The following ANKAR variants were observed in gnomAD, a reference collection of about 807,000 sequenced individuals.
ANKAR encodes the protein ankyrin and armadillo repeat-containing protein.
A neutral mutation model predicts 146.2 loss-of-function variants in ANKAR; 136 were observed. That is an observed-to-expected ratio of 0.93 (90% CI 0.81 to 1.07). The LOEUF is 1.07. Ranked by LOEUF, ANKAR falls within the 50% of genes least tolerant of loss-of-function variation. ANKAR has a pLI of 0.00. For synonymous variants in ANKAR, 500 were observed against 575.8 expected (o/e 0.87, Z 1.88); for missense variants, 1,567 against 1,679.9 (o/e 0.93, Z 1.18).
intron 2 of ANKAR, among the ~76,000 whole-genome samples, chr2:189,681,172 C>A (rs1418026045): frequency 1.3e-5 from 2 of 152,152 alleles, no homozygotes; most frequent in Non-Finnish European, 2.9e-5. Context: ...TAGATGGAAA[C>A]TTTCAGTATA....
At chr2:189,708,020 T>C (rs2039189591) in intron 9 of ANKAR, among the ~76,000 whole-genome samples, 1 of 152,068 alleles carries the variant, frequency 6.6e-6, no homozygotes, top group South Asian at 2.1e-4. Flanking sequence ...AGAATTCTCC[T>C]TCAGAAATAG....
intron 9 of ANKAR, among the ~76,000 whole-genome samples, chr2:189,707,452 C>CAAAAAAAAA (rs67227035): frequency 3.8e-4 from 28 of 72,866 alleles, no homozygotes; most frequent in East Asian, 1.8e-3. Flanking sequence ...TCTCCTTCAT[C>CAAAAAAAAA]AAAAAAAAAA....
rs760226961 is a variant in ANKAR, at chr2:189,727,957, G to T, written c.2737G>T (p.Val913Leu). ...IAMEGAIPPL[V>L]ALFKGKQISV... ...TATGGAGGGAGCGATTCCTCCTCTG[G>T]TGGCTCTTTTTAAAGGGAAACAAAT... The change falls in exon 13 of 23, where the codon GTG becomes TTG. Residue 913 changes from valine (V) to leucine (L), a missense_variant. By Grantham distance (32) the Val-to-Leu change is conservative. Coordinates refer to ENST00000684021, the MANE Select transcript of ANKAR (RefSeq NM_001378068.1). The T allele has an allele frequency of 6.2e-7, 1 of 1,614,048 alleles. No homozygotes were observed. Among genetic ancestry groups the T allele is most frequent in the East Asian group, 2.2e-5 (1 of 44,876 alleles).
chr2:189,744,990 T>TCTTCTACTACTACTACTACTACTACTA (rs1553536976), intron 22 of ANKAR, among the ~76,000 whole-genome samples: 38 of 112,412 alleles, frequency 3.4e-4, no homozygotes, highest in African/African-American at 1.4e-3. Context: ...AAACCCCATC[T>TCTTCTACTACTACTACTACTACTACTA]CTACTACTAC....
Position 189,692,281 on chromosome 2 carries a change from T to A in ANKAR, c.1066T>A (p.Leu356Met), listed in dbSNP as rs1219381050. ...TGACAAGGTCAAGACAGAGCGAGAATTGCCTCCATTTATTTATGGAAGAGA... is the reference window on the plus strand; with the variant it reads ...TGACAAGGTCAAGACAGAGCGAGAAATGCCTCCATTTATTTATGGAAGAGA... ...SDDKVKTERELPPFIYGRDFK... is the reference protein window; with the variant it reads ...SDDKVKTEREMPPFIYGRDFK... Residue 356 changes from leucine (L) to methionine (M), a missense_variant, in exon 4 of 23, where the codon TTG (leucine) becomes ATG (methionine). Leu to Met is a conservative substitution (Grantham distance 15). Coordinates refer to ENST00000684021, the MANE Select transcript of ANKAR (RefSeq NM_001378068.1). 1 of 1,612,150 alleles carries A rather than the reference T, an allele frequency of 6.2e-7. No individual in the cohort carries two copies. The highest frequency in any genetic ancestry group is 2.2e-5 in the East Asian group (1 of 44,774).
chr2:189,721,530 A>AT (rs1167482279), intron 12 of ANKAR, among the ~76,000 whole-genome samples: 1 of 152,174 alleles, frequency 6.6e-6, no homozygotes, highest in Non-Finnish European at 1.5e-5. Context: ...TTTGTTAGAT[A>AT]TTTGACGTCA....
At chr2:189,724,391 C>T (rs2041641167) in intron 12 of ANKAR, among the ~76,000 whole-genome samples, 1 of 152,148 alleles carries the variant, frequency 6.6e-6, no homozygotes, top group Admixed American at 6.5e-5. Context: ...CTTTTTACTT[C>T]CCTACTTCAA....
At chr2:189,714,831 G>A (rs1362366220) in intron 10 of ANKAR, among the ~76,000 whole-genome samples, 4 of 151,502 alleles carry the variant, frequency 2.6e-5, no homozygotes, top group Admixed American at 6.6e-5. Flanking sequence ...CTGTAGTCCC[G>A]GCTACTTGGG....
chr2:189,679,045 C>T (rs2034223735), intron 2 of ANKAR, among the ~76,000 whole-genome samples: 1 of 152,132 alleles, frequency 6.6e-6, no homozygotes, highest in Non-Finnish European at 1.5e-5. Context: ...ATTGATTCTA[C>T]CCATCCATGA....
intron 18 of ANKAR, among the ~76,000 whole-genome samples, chr2:189,757,094 G>C (rs1294319130): frequency 6.6e-6 from 1 of 152,142 alleles, no homozygotes; most frequent in Non-Finnish European, 1.5e-5. Flanking sequence ...TCTATGATTT[G>C]TAGACAGTAT....
intron 10 of ANKAR, among the ~76,000 whole-genome samples, chr2:189,715,557 G>T (rs948571154): frequency 2.6e-5 from 4 of 152,156 alleles, no homozygotes; most frequent in African/African-American, 9.7e-5. Context: ...TCAGTCAATA[G>T]AAAAAGAGGG....
At chr2:189,691,716 A>ATG (rs1241720732) in intron 3 of ANKAR, among the ~76,000 whole-genome samples, 1 of 143,626 alleles carries the variant, frequency 7.0e-6, no homozygotes. Context: ...TTTGAGATAT[A>ATG]TATATATATA....
At chr2:189,735,013 T>C (rs907646266) in intron 17 of ANKAR, among the ~76,000 whole-genome samples, 1 of 149,972 alleles carries the variant, frequency 6.7e-6, no homozygotes, top group African/African-American at 2.4e-5. Context: ...TAAAAAAAAA[T>C]ATATATATAA....
chr2:189,695,299 G>T, intron 6 of ANKAR, 138 bp downstream of exon 6: 1 of 665,518 alleles, frequency 1.5e-6, no homozygotes, highest in Non-Finnish European at 2.3e-6. Flanking sequence ...CATTTTAGTA[G>T]CTGAAAGGCT....
intron 10 of ANKAR, among the ~76,000 whole-genome samples, chr2:189,718,296 CTATATCTATCTA>C (rs2040772759): frequency 6.7e-6 from 1 of 150,012 alleles, no homozygotes; most frequent in Non-Finnish European, 1.5e-5. Context: ...TTGTCTTTAT[CTATATCTATCTA>C]TATATCTATC....
intron 21 of ANKAR, among the ~76,000 whole-genome samples, chr2:189,743,886 G>A (rs999386880): frequency 1.3e-5 from 2 of 152,178 alleles, no homozygotes; most frequent in African/African-American, 4.8e-5. Flanking sequence ...AATTCCCAGG[G>A]TGGAAACAGG....
chr2:189,742,847 CACACATTAGAATTACCTG>C (rs2043478713), intron 20 of ANKAR, among the ~76,000 whole-genome samples: 1 of 34,562 alleles, frequency 2.9e-5, no homozygotes, highest in Non-Finnish European at 1.5e-4. Context: ...CACACACACA[CACACATTAGAATTACCTG>C]ACACACACAC....
chr2:189,730,860 T>G (rs1156443961), intron 16 of ANKAR, among the ~76,000 whole-genome samples: 2 of 152,226 alleles, frequency 1.3e-5, no homozygotes, highest in East Asian at 3.8e-4. Flanking sequence ...CAAGAAAATC[T>G]TATGTTTTTA....
chr2:189,732,792 A>T (rs922642509), intron 16 of ANKAR, among the ~76,000 whole-genome samples: 1 of 151,956 alleles, frequency 6.6e-6, no homozygotes, highest in Admixed American at 6.6e-5. Flanking sequence ...TTAATATGGA[A>T]GGGATACAAC....
Sources: gnomAD v4.1 joint callset for allele counts (sites outside exome capture counted in the v4.1 genomes callset) on GRCh38, gnomAD v4.1.1 for gene constraint, MANE v1.5 for transcripts, NCBI Gene and HGNC (gene_info 2026-07-23, HGNC 2026-07-21) for gene names.